The following ZBTB38 variants were observed in gnomAD, a reference collection of about 807,000 sequenced individuals.
ZBTB38 encodes the protein zinc finger and BTB domain-containing protein 38.
ZBTB38 carries 20 observed loss-of-function variants against 76.8 expected under a neutral mutation model. The ratio of observed to expected loss-of-function variants is 0.26; its 90% CI spans 0.18 to 0.38. The LOEUF is 0.38. ZBTB38 is among the 10% of genes least tolerant of loss of function. ZBTB38 has a pLI of 1.00. For missense variants in ZBTB38, 1,082 were observed against 1,482.3 expected (o/e 0.73, Z 4.43); for synonymous variants, 504 against 544.2 (o/e 0.93, Z 1.03).
chr3:141,407,129 C>A (rs955869237), intron 5 of ZBTB38, among the ~76,000 whole-genome samples: 60 of 152,176 alleles, frequency 3.9e-4, no homozygotes, highest in Admixed American at 1.3e-4. Context: ...GAATTGAGTC[C>A]TTTAAAAAAT....
intron 4 of ZBTB38, among the ~76,000 whole-genome samples, chr3:141,400,256 A>G (rs762959333): frequency 6.6e-6 from 1 of 152,232 alleles, no homozygotes; most frequent in Admixed American, 6.5e-5. Context: ...TGTGTTGTTT[A>G]AAACTGTTGC....
chr3:141,418,759 AG>A (rs1271131233), intron 5 of ZBTB38, among the ~76,000 whole-genome samples: 8 of 152,262 alleles, frequency 5.3e-5, no homozygotes, highest in African/African-American at 1.9e-4. Context: ...AATATTTGCT[AG>A]CTAAGGTCTC....
At chr3:141,380,245 C>T (rs1430004639) in intron 2 of ZBTB38, among the ~76,000 whole-genome samples, 1 of 152,240 alleles carries the variant, frequency 6.6e-6, no homozygotes, top group Non-Finnish European at 1.5e-5. Context: ...GAAACACGCT[C>T]TGCCACTGAG....
intron 5 of ZBTB38, among the ~76,000 whole-genome samples, chr3:141,407,433 C>A (rs1477892027): frequency 6.6e-6 from 1 of 152,182 alleles, no homozygotes. Flanking sequence ...TTTCTATATA[C>A]CATAGTAGGT....
intron 5 of ZBTB38, among the ~76,000 whole-genome samples, chr3:141,431,341 A>AAAAAAAAAAAATATATATATAT: frequency 2.0e-4 from 21 of 103,246 alleles, no homozygotes; most frequent in Admixed American, 3.9e-4. Context: ...AAAAAAAAAA[A>AAAAAAAAAAAATATATATATAT]ATATATATAT....
upstream of ZBTB38, among the ~76,000 whole-genome samples, chr3:141,364,318 T>C (rs1443616853): frequency 6.6e-6 from 1 of 150,900 alleles, no homozygotes; most frequent in African/African-American, 2.4e-5. Flanking sequence ...GGAGATAATA[T>C]TGTAAAATAT....
chr3:141,420,795 A>G (rs2075179676), intron 5 of ZBTB38, among the ~76,000 whole-genome samples: 1 of 152,222 alleles, frequency 6.6e-6, no homozygotes, highest in Non-Finnish European at 1.5e-5. Context: ...TAGAGCAGGA[A>G]TCAGTAGAGC....
In ZBTB38 at chr3:141,442,968, G is replaced by A. The variant is rs902281995; in HGVS notation, c.580G>A (p.Asp194Asn). ...GAGGGCAAGTTTCAAAAAGGTCTCC[G>A]ACTCCATGAGAACAGCTAGCCTTTG... is the stretch of plus-strand genomic sequence containing the variant. ...DLRASFKKVSDSMRTASLCLE... is the reference protein window; with the variant it reads ...DLRASFKKVSNSMRTASLCLE... The change falls in exon 6 of 6, where the codon GAC (aspartate) becomes AAC (asparagine). Residue 194 changes from aspartate (D) to asparagine (N), a missense_variant. Asp to Asn is a conservative substitution (Grantham distance 23). Transcript: ENST00000321464. This position sits in a 1 kb window ranked among gnomAD's most constrained non-coding sequence, Gnocchi z 6.4. 3.7e-6 allele frequency: 6 copies of A among 1,614,082 alleles called. No homozygotes were observed. Among genetic ancestry groups the A allele is most frequent in the South Asian group, 1.1e-5 (1 of 91,080 alleles).
Position 141,444,169 on chromosome 3 carries a change from A to T in ZBTB38, c.1781A>T (p.Gln594Leu). The T allele has an allele frequency of 1.9e-6, 3 of 1,614,164 alleles. No individual in the cohort carries two copies. The highest frequency in any genetic ancestry group is 2.5e-6 in the Non-Finnish European group (3 of 1,180,006). Residue 594 changes from glutamine to leucine, a missense_variant, in exon 6 of 6, where the codon CAA (glutamine) becomes CTA (leucine). By Grantham distance (113) the Gln-to-Leu change is moderately radical. This residue lies in a region of ZBTB38 where 471 missense variants were observed against 581.0 expected (regional missense o/e 0.81). Transcript: ENST00000321464. This position sits in a 1 kb window ranked among gnomAD's most constrained non-coding sequence, Gnocchi z 5.1. Reference sequence around the variant, plus strand: ...TATGAAAATGCACGAGAAAACAGTCAAATGAATGAGTCTGCACCTGGTACC... The same window carrying T: ...TATGAAAATGCACGAGAAAACAGTCTAATGAATGAGTCTGCACCTGGTACC... The part of the protein sequence containing the change: ...SSYENARENS[Q>L]MNESAPGTYV...
rs540585285 is a variant in ZBTB38 at position 141,330,461 on chromosome 3, CTGA to C, written c.-739+6011_-739+6013del. Among the ~76,000 whole-genome samples the C allele has an allele frequency of 1.6e-4, 25 of 152,364 alleles. No individual in the cohort carries two copies. The East Asian group carries it at 4.0e-3, about 25-fold the overall frequency. ...GTCTTTGTCCCTCTGTGTCCCTTTT[CTGA>C]TGATGTCATTCTCAGCCACCCTGTG... On this transcript the variant is annotated intron_variant, in intron 1 of 7. Transcript: ENST00000509842.
intron 2 of ZBTB38, among the ~76,000 whole-genome samples, chr3:141,379,108 A>C (rs541818776): frequency 6.6e-6 from 1 of 152,220 alleles, no homozygotes; most frequent in Admixed American, 6.5e-5. Flanking sequence ...TGAATGCTAC[A>C]GAGTGAGATG....
Position 141,447,781 on chromosome 3 carries a change from A to G in ZBTB38, c.*1805A>G, listed in dbSNP as rs1559972696. ...TGGGTAAGAAAGCATTTAAACGCCC[A>G]GGAAAGGACATGATTAAAGTTGACC... On this transcript the variant is annotated 3_prime_UTR_variant, in exon 6 of 6. Transcript: ENST00000321464. The G allele has an allele frequency of 6.6e-6, 1 of 152,376 alleles. No homozygotes were observed. The highest frequency in any genetic ancestry group is 1.5e-5 in the Non-Finnish European group (1 of 68,040). 9.4% of individuals were successfully genotyped at this position (152,376 alleles called of 1,614,324 possible). A position where few individuals can be genotyped will look rare whatever the true frequency, so the allele number is the denominator to read the frequency against.
intron 1 of ZBTB38, among the ~76,000 whole-genome samples, chr3:141,357,233 T>G (rs1943689152): frequency 6.6e-6 from 1 of 151,854 alleles, no homozygotes; most frequent in Non-Finnish European, 1.5e-5. Flanking sequence ...ATGACTTACT[T>G]TTTTTTCTTT....
intron 5 of ZBTB38, among the ~76,000 whole-genome samples, chr3:141,407,752 G>A (rs775928363): frequency 5.3e-5 from 8 of 152,216 alleles, no homozygotes; most frequent in African/African-American, 1.4e-4. Context: ...CAATTTCTGC[G>A]AAGCAGAGGA....
At chr3:141,330,622 A>T (rs1056855361) in intron 1 of ZBTB38, among the ~76,000 whole-genome samples, 10 of 152,212 alleles carry the variant, frequency 6.6e-5, no homozygotes, top group African/African-American at 2.4e-4. Context: ...CCCTGCCCAA[A>T]TGCACTGCTG....
intron 4 of ZBTB38, among the ~76,000 whole-genome samples, chr3:141,400,862 G>A (rs1951709588): frequency 2.0e-5 from 3 of 152,244 alleles, no homozygotes; most frequent in South Asian, 4.1e-4. Flanking sequence ...GGCCTTGTAA[G>A]CAACAAAGCT....
intron 5 of ZBTB38, among the ~76,000 whole-genome samples, chr3:141,441,676 C>A (rs950987888): frequency 1.3e-5 from 2 of 152,142 alleles, no homozygotes; most frequent in African/African-American, 4.8e-5. Flanking sequence ...TGGGCAATAG[C>A]TTTGCATATA....
intron 1 of ZBTB38, among the ~76,000 whole-genome samples, chr3:141,325,960 G>C (rs1296271806): frequency 1.3e-5 from 2 of 152,044 alleles, no homozygotes; most frequent in Non-Finnish European, 2.9e-5. Flanking sequence ...ACTTCAGCCA[G>C]TATAATTTTT....
At chr3:141,330,476 T>C (rs1372648068) in intron 1 of ZBTB38, among the ~76,000 whole-genome samples, 1 of 152,230 alleles carries the variant, frequency 6.6e-6, no homozygotes, top group East Asian at 1.9e-4. Context: ...GATGTCATTC[T>C]CAGCCACCCT....
Sources: gnomAD v4.1 joint callset for allele counts (sites outside exome capture counted in the v4.1 genomes callset) on GRCh38, gnomAD v4.1.1 for gene constraint, gnomAD v4.1.1 regional missense constraint, Gnocchi (gnomAD v3.1) non-coding constraint, MANE v1.5 for transcripts, NCBI Gene and HGNC (gene_info 2026-07-23, HGNC 2026-07-21) for gene names.